The following SP2 variants were observed in gnomAD, a reference collection of about 807,000 sequenced individuals.
The protein encoded by SP2 is Sp2 transcription factor.
A neutral mutation model predicts 50.1 loss-of-function variants in SP2; 9 were observed. That is an observed-to-expected ratio of 0.18 (90% CI 0.11 to 0.31). The LOEUF is 0.31. Ranked by LOEUF, SP2 falls within the 10% of genes least tolerant of loss-of-function variation. The pLI is 1.00. For synonymous variants in SP2, 313 were observed against 326.6 expected (o/e 0.96, Z 0.45); for missense variants, 581 against 806.5 (o/e 0.72, Z 3.39).
chr17:47,915,190 G>T, intron 1 of SP2, 122 bp from the exon 2 acceptor site: 1 of 676,256 alleles, frequency 1.5e-6, no homozygotes, highest in Non-Finnish European at 2.6e-6. Context: ...TCCAGCCTGG[G>T]CAACAAGAGC....
intron 4 of SP2, among the ~76,000 whole-genome samples, chr17:47,924,134 G>GTT (rs565270035): frequency 7.0e-6 from 1 of 143,068 alleles, no homozygotes. Context: ...GTGTTTTTTG[G>GTT]TTTTTTTTTT....
At chr17:47,915,214 C>CAAAA in intron 1 of SP2, 98 bp from the exon 2 acceptor site, 4 of 715,716 alleles carry the variant, frequency 5.6e-6, no homozygotes, top group Non-Finnish European at 8.8e-6. Context: ...AATTCCGTCT[C>CAAAA]AAAAAAAAAA....
chr17:47,903,638 A>G (rs72833491), intron 1 of SP2, among the ~76,000 whole-genome samples: 28,441 of 148,290 alleles, frequency 0.19, 3,490 homozygotes, highest in East Asian at 0.52. Context: ...AGAGCAATCA[A>G]CTGTCAGAGC....
chr17:47,911,957 GC>G (rs1398458251), intron 1 of SP2, among the ~76,000 whole-genome samples: 8 of 152,192 alleles, frequency 5.3e-5, no homozygotes, highest in African/African-American at 1.9e-4. Flanking sequence ...GGCATGCTCA[GC>G]TTAGCCCCAG....
Position 47,917,138 on chromosome 17 carries a change from A to C in SP2, c.1059+8A>C. The C allele has an allele frequency of 1.3e-6, 2 of 1,587,516 alleles. No individual in the cohort carries two copies. The highest frequency in any genetic ancestry group is 1.7e-6 in the Non-Finnish European group (2 of 1,166,400). The stretch of plus-strand genomic sequence containing the variant: ...GAGCCGACACCTACTCAGGTACCAC[A>C]CTCCCTGTACTGTCCTCCTTCTCCT... On this transcript the variant is annotated splice_region_variant and intron_variant, in intron 3 of 6. Coordinates refer to ENST00000376741, the MANE Select transcript of SP2 (RefSeq NM_003110.6).
At chr17:47,919,776 C>T (rs1310311432) in intron 3 of SP2, among the ~76,000 whole-genome samples, 10 of 145,554 alleles carry the variant, frequency 6.9e-5, no homozygotes, top group South Asian at 2.2e-4. Flanking sequence ...TTACACATTA[C>T]GTTTAGTTGT....
At chr17:47,924,169 G>A (rs34593510) in intron 4 of SP2, among the ~76,000 whole-genome samples, 66,327 of 151,174 alleles carry the variant, frequency 0.44, 14,823 homozygotes, top group East Asian at 0.76. Flanking sequence ...TCAGGGCCTC[G>A]CTCTGTCATC....
intron 1 of SP2, chr17:47,899,847 G>A (rs2034469722): frequency 6.6e-6 from 1 of 152,322 alleles, no homozygotes; most frequent in African/African-American, 2.4e-5. Flanking sequence ...GTTGTGAAAG[G>A]GCTGATGTTT....
At chr17:47,918,254 C>T (rs1444339246) in intron 3 of SP2, among the ~76,000 whole-genome samples, 1 of 152,104 alleles carries the variant, frequency 6.6e-6, no homozygotes, top group Non-Finnish European at 1.5e-5. Flanking sequence ...TGAATTTGAA[C>T]TGTGGACATA....
At chr17:47,919,847 T>TTTTTTC (rs775471593) in intron 3 of SP2, among the ~76,000 whole-genome samples, 2 of 99,918 alleles carry the variant, frequency 2.0e-5, no homozygotes, top group East Asian at 2.5e-4. Flanking sequence ...TTTTTTTTTT[T>TTTTTTC]CTGTTTTTTT....
intron 1 of SP2, 98 bp downstream of exon 1, chr17:47,896,391 C>A: frequency 2.8e-6 from 3 of 1,064,136 alleles, no homozygotes; most frequent in Non-Finnish European, 3.6e-6. Flanking sequence ...CGGGGGTTCC[C>A]CCCTGGGGCT....
intron 3 of SP2, 78 bp downstream of exon 3, chr17:47,917,208 C>A: frequency 7.1e-7 from 1 of 1,416,044 alleles, no homozygotes; most frequent in South Asian, 1.4e-5. Context: ...TGATGCTGGT[C>A]ATCTCCCAGC....
chr17:47,914,090 G>A (rs2035092814), intron 1 of SP2, among the ~76,000 whole-genome samples: 1 of 152,146 alleles, frequency 6.6e-6, no homozygotes, highest in Non-Finnish European at 1.5e-5. Flanking sequence ...GACCCATGAG[G>A]CCAGGGATGG....
chr17:47,925,160 G>A, intron 5 of SP2, 67 bp downstream of exon 5: 1 of 1,521,734 alleles, frequency 6.6e-7, no homozygotes, highest in South Asian at 1.3e-5. Context: ...CTGGACAGTT[G>A]TCCAGAGCTG....
chr17:47,922,862 TG>T, intron 3 of SP2, 99 bp from the exon 4 acceptor site: 1 of 1,017,610 alleles, frequency 9.8e-7, no homozygotes, highest in Non-Finnish European at 1.5e-6. Flanking sequence ...AGACTTTTAG[TG>T]GACAGGCGCC....
rs765908616 is a variant in SP2 at position 47,925,430 on chromosome 17, G to T, written c.1630G>T (p.Ala544Ser). 6 of 1,614,104 alleles carry T rather than the reference G, an allele frequency of 3.7e-6. No individual in the cohort carries two copies. Among genetic ancestry groups the T allele is most frequent in the Admixed American group, 1.7e-5 (1 of 60,012 alleles). ...GTTCCGTAAGACGTCCTTGCTGCGTGCCCATGTGCGCCTGCACACTGGCGA... is the reference window on the plus strand; with the variant it reads ...GTTCCGTAAGACGTCCTTGCTGCGTTCCCATGTGCGCCTGCACACTGGCGA... Reference protein sequence around the residue: ...KTFRKTSLLRAHVRLHTGERP... With the variant: ...KTFRKTSLLRSHVRLHTGERP... Residue 544 changes from alanine (A) to serine (S), a missense_variant, in exon 6 of 7, where the codon GCC (alanine) becomes TCC (serine). By Grantham distance (99) the Ala-to-Ser change is moderately conservative. Transcript: ENST00000376741.
Position 47,927,767 on chromosome 17 carries a change from G to T in SP2, c.1785G>T (p.Met595Ile). ...FECAQCQKRFMRSDHLTKHYK... is the reference protein window; with the variant it reads ...FECAQCQKRFIRSDHLTKHYK... ...GCGCCCAGTGTCAGAAGCGCTTCAT[G>T]AGGAGTGACCACCTCACCAAGCATT... The change falls in exon 7 of 7, where the codon ATG becomes ATT. Residue 595 changes from methionine (M) to isoleucine (I), a missense_variant. By Grantham distance (10) the Met-to-Ile change is conservative. This residue lies in a region of SP2 where 184 missense variants were observed against 315.5 expected (regional missense o/e 0.58). Transcript: ENST00000376741. 1 of 1,599,176 alleles carries T rather than the reference G, an allele frequency of 6.3e-7. No individual in the cohort carries two copies. Among genetic ancestry groups the T allele is most frequent in the South Asian group, 1.1e-5 (1 of 88,186 alleles).
At chr17:47,915,551 C>T (rs1458106387) in intron 2 of SP2, among the ~76,000 whole-genome samples, 163 bp downstream of exon 2, 1 of 152,116 alleles carries the variant, frequency 6.6e-6, no homozygotes, top group Non-Finnish European at 1.5e-5. Context: ...GGCCATTTAC[C>T]TAAGGTGCCG....
chr17:47,915,734 T>C (rs2143948071), intron 2 of SP2, among the ~76,000 whole-genome samples: 2 of 152,292 alleles, frequency 1.3e-5, no homozygotes, highest in Middle Eastern at 3.4e-3. Context: ...AAGTATTTAT[T>C]CCTCCTGTTG....
Sources: gnomAD v4.1 joint callset for allele counts (sites outside exome capture counted in the v4.1 genomes callset) on GRCh38, gnomAD v4.1.1 for gene constraint, gnomAD v4.1.1 regional missense constraint, MANE v1.5 for transcripts, NCBI Gene and HGNC (gene_info 2026-07-23, HGNC 2026-07-21) for gene names.